Variants in OIT3 observed in about 807,000 individuals in gnomAD.
OIT3 encodes the protein oncoprotein induced transcript 3.
OIT3 carries 41 observed loss-of-function variants against 52.2 expected under a neutral mutation model. The ratio of observed to expected loss-of-function variants is 0.79; its 90% CI spans 0.61 to 1.02. OIT3 has a LOEUF of 1.02. Among genes scored for constraint, OIT3 ranks in the 50% least tolerant of loss-of-function variants. OIT3 has a pLI of 0.00. For synonymous variants in OIT3, 244 were observed against 276.9 expected (o/e 0.88, Z 1.18); for missense variants, 634 against 715.5 (o/e 0.89, Z 1.30).
intron 6 of OIT3, 29 bp from the exon 7 acceptor site, chr10:72,924,200 T>G (rs1273335398): frequency 5.8e-6 from 9 of 1,544,012 alleles, no homozygotes; most frequent in Non-Finnish European, 3.5e-6. Context: ...AGACAATCTC[T>G]TTCCTCTCCT....
chr10:72,932,642 A>AGAC lies in OIT3; in HGVS notation c.*119_*121dup. The AGAC allele has an allele frequency of 1.1e-6, 1 of 870,230 alleles. No individual in the cohort carries two copies. Among genetic ancestry groups the AGAC allele is most frequent in the South Asian group, 1.8e-5 (1 of 55,592 alleles). The allele number at this position is 870,230 out of a possible 1,614,324, so 53.9% of individuals were successfully genotyped here. On this transcript the variant is annotated 3_prime_UTR_variant, in exon 9 of 9. Transcript: ENST00000334011. ...GGTTCAGACTTCACACTGTGAGTTC[A>AGAC]GACTCCCAGCACCAACTCACTCTGA... is the stretch of plus-strand genomic sequence containing the variant.
At chr10:72,927,695 C>T (rs1426892386) in intron 7 of OIT3, among the ~76,000 whole-genome samples, 1 of 152,200 alleles carries the variant, frequency 6.6e-6, no homozygotes, top group Non-Finnish European at 1.5e-5. Context: ...CCTCAGCCCC[C>T]TCGAGTTTCT....
chr10:72,921,280 TC>T (rs1846119057), intron 6 of OIT3, among the ~76,000 whole-genome samples: 1 of 152,234 alleles, frequency 6.6e-6, no homozygotes, highest in African/African-American at 2.4e-5. Flanking sequence ...TGATAAGTTG[TC>T]CTCAATCCCT....
At chr10:72,897,244 G>A (rs1300603961) in intron 1 of OIT3, among the ~76,000 whole-genome samples, 2 of 152,024 alleles carry the variant, frequency 1.3e-5, no homozygotes, top group Non-Finnish European at 2.9e-5. Context: ...GGCTGGTCTC[G>A]AACTCCTGAC....
chr10:72,922,102 G>A (rs1214906676), intron 6 of OIT3, among the ~76,000 whole-genome samples: 1 of 152,082 alleles, frequency 6.6e-6, no homozygotes, highest in Non-Finnish European at 1.5e-5. Flanking sequence ...TTTCTCTCTG[G>A]CTGCCCTTAA....
chr10:72,927,094 A>G (rs555046461), intron 7 of OIT3, among the ~76,000 whole-genome samples: 35 of 152,278 alleles, frequency 2.3e-4, no homozygotes, highest in African/African-American at 7.9e-4. Flanking sequence ...ACTTATTTAT[A>G]TATGCATTAT....
rs758741982 is a variant in OIT3 at position 72,911,739 on chromosome 10, C to A, written c.690C>A (p.Asn230Lys). 1.2e-6 allele frequency: 2 copies of A among 1,613,646 alleles called. No individual in the cohort carries two copies. The highest frequency in any genetic ancestry group is 4.5e-5 in the East Asian group (2 of 44,870). The change falls in exon 5 of 9, where the codon AAC (asparagine) becomes AAA (lysine). Residue 230 changes from asparagine to lysine, a missense_variant. Asn to Lys is a moderately conservative substitution (Grantham distance 94). Transcript: ENST00000334011. ...TCEDVEGCHN[N>K]NGGCSHSCLG... is the part of the protein sequence containing the mutation. ...CAGACGTTGAAGGATGCCACAATAA[C>A]AATGGTGGCTGCAGCCACTCTTGCC...
intron 5 of OIT3, among the ~76,000 whole-genome samples, 159 bp from the exon 6 acceptor site, chr10:72,913,149 A>T (rs7896176): frequency 6.6e-6 from 1 of 152,234 alleles, no homozygotes; most frequent in South Asian, 2.1e-4. Flanking sequence ...TTGGGAGTTA[A>T]GAATAGTGGT....
Position 72,900,435 on chromosome 10 carries a change from C to T in OIT3, c.495C>T (p.Cys165=). The T allele has an allele frequency of 6.2e-7, 1 of 1,612,582 alleles. No homozygotes were observed. The highest frequency in any genetic ancestry group is 8.5e-7 in the Non-Finnish European group (1 of 1,178,594). ...GCAGCTGCTCAGATACCAGCGAGTG[C>T]ACATGCGCTCCAGGAACTGTGCTAG... ...CHGSCSDTSE[C]TCAPGTVLGP... is the part of the protein sequence containing the mutation. Residue 165 remains cysteine (C), a synonymous_variant, in exon 3 of 9, where the codon TGC becomes TGT. Transcript: ENST00000334011.
At chr10:72,895,686 C>A (rs1387836514) in intron 1 of OIT3, among the ~76,000 whole-genome samples, 1 of 152,106 alleles carries the variant, frequency 6.6e-6, no homozygotes, top group Admixed American at 6.5e-5. Context: ...GAGGACTCAA[C>A]CCTGGGGCGA....
At chr10:72,909,179 GTA>G (rs2132934344) in intron 4 of OIT3, among the ~76,000 whole-genome samples, 2 of 149,716 alleles carry the variant, frequency 1.3e-5, no homozygotes, top group East Asian at 3.9e-4. Flanking sequence ...GAGTACAGTG[GTA>G]CCATCTTGGC....
rs369127254 is a variant in OIT3 at position 72,921,440 on chromosome 10, G to T, written c.952-2789G>T. The stretch of plus-strand genomic sequence containing the variant: ...TTACATTTAAGGTTAGTATTGTTAC[G>T]TGTGGATTTGATCCTGTCATTGTGT... On this transcript the variant is annotated intron_variant, in intron 6 of 8. Transcript: ENST00000334011. Among the ~76,000 whole-genome samples, 2 of 152,146 alleles carry T rather than the reference G, an allele frequency of 1.3e-5. 1 individual carries two copies. Among genetic ancestry groups the T allele is most frequent in the South Asian group, 4.2e-4 (2 of 4,818 alleles).
chr10:72,924,182 A>C, intron 6 of OIT3, 47 bp from the exon 7 acceptor site: 1 of 1,499,214 alleles, frequency 6.7e-7, no homozygotes. Context: ...AAAACTGTAG[A>C]AACAAACAGA....
At chr10:72,906,515 G>A (rs1050418120) in intron 3 of OIT3, 81 bp from the exon 4 acceptor site, 2 of 1,523,976 alleles carry the variant, frequency 1.3e-6, no homozygotes, top group African/African-American at 2.7e-5. Flanking sequence ...GATCTGAAAA[G>A]ATGTGGAAAT....
intron 5 of OIT3, 45 bp from the exon 6 acceptor site, chr10:72,913,263 C>A: frequency 6.7e-7 from 1 of 1,482,582 alleles, no homozygotes; most frequent in Non-Finnish European, 9.1e-7. Context: ...GCCTTCCTCC[C>A]GATTCAGGTT....
intron 3 of OIT3, among the ~76,000 whole-genome samples, chr10:72,901,192 A>G (rs1349385473): frequency 2.0e-5 from 3 of 152,170 alleles, no homozygotes; most frequent in African/African-American, 7.2e-5. Flanking sequence ...AAAAATTTTA[A>G]TATGACTACT....
chr10:72,911,956 C>A, intron 5 of OIT3, 117 bp downstream of exon 5: 1 of 846,182 alleles, frequency 1.2e-6, no homozygotes, highest in Non-Finnish European at 1.8e-6. Context: ...AACAATGGCT[C>A]TTCGAGCAGT....
rs199930343 is a variant in OIT3 at position 72,900,405 on chromosome 10, C to A, written c.465C>A (p.Cys155Ter). The change falls in exon 3 of 9, where the codon TGC (cysteine) becomes TGA (stop). Residue 155 changes from cysteine to a stop codon, truncating the protein, a stop_gained. Coordinates refer to ENST00000334011, the MANE Select transcript of OIT3 (RefSeq NM_152635.3). LOFTEE classifies it high-confidence loss of function. ...GHFYDICDED[C>*]HGSCSDTSEC... is the part of the protein sequence containing the mutation. ...TTTATGACATCTGCGACGAGGACTG[C>A]CATGGCAGCTGCTCAGATACCAGCG... 8.3e-5 allele frequency: 134 copies of A among 1,610,028 alleles called. No homozygotes were observed. Among genetic ancestry groups the A allele is most frequent in the Non-Finnish European group, 1.8e-5 (21 of 1,176,352 alleles).
chr10:72,915,725 G>A (rs989923870), intron 6 of OIT3, among the ~76,000 whole-genome samples: 1 of 151,956 alleles, frequency 6.6e-6, no homozygotes, highest in African/African-American at 2.4e-5. Flanking sequence ...AATCTCCCAC[G>A]AAAGCACAAA....
Sources: allele counts gnomAD v4.1 joint callset (sites outside exome capture counted in the v4.1 genomes callset), GRCh38; gene constraint gnomAD v4.1.1; transcripts MANE v1.5; gene names NCBI Gene and HGNC (gene_info 2026-07-23, HGNC 2026-07-21).